Variants in FSHR observed in about 807,000 individuals in gnomAD.
The protein encoded by FSHR is follicle-stimulating hormone receptor.
FSHR carries 46 observed loss-of-function variants against 52.1 expected under a neutral mutation model. That is an observed-to-expected ratio of 0.88 (90% CI 0.70 to 1.13). The LOEUF (loss-of-function observed/expected upper bound fraction) is 1.13, where lower values mean the gene tolerates loss of function less well. Ranked by LOEUF, FSHR falls within the 50% of genes most tolerant of loss-of-function variation. The pLI is 0.00. For missense variants in FSHR, 964 were observed against 834.6 expected (o/e 1.16, Z -1.91); for synonymous variants, 399 against 309.6 (o/e 1.29, Z -3.03).
chr2:49,024,684 G>T (rs9309157), intron 2 of FSHR, among the ~76,000 whole-genome samples: 96,180 of 152,016 alleles, frequency 0.63, 30,529 homozygotes, highest in East Asian at 0.77. Context: ...TTCCCATCTT[G>T]TCCCTCCTCC....
intron 8 of FSHR, among the ~76,000 whole-genome samples, chr2:48,981,060 A>C (rs115646999): frequency 6.6e-6 from 1 of 152,196 alleles, no homozygotes; most frequent in East Asian, 1.9e-4. Context: ...AAAGACATCA[A>C]AAGTACTTGT....
intron 1 of FSHR, among the ~76,000 whole-genome samples, chr2:49,132,361 A>C (rs1268117249): frequency 1.3e-5 from 2 of 152,188 alleles, no homozygotes; most frequent in Non-Finnish European, 2.9e-5. Context: ...TGCTCAGAAG[A>C]AAATAAATCT....
chr2:49,096,055 T>A (rs764786044), intron 1 of FSHR, among the ~76,000 whole-genome samples: 31 of 152,182 alleles, frequency 2.0e-4, no homozygotes, highest in Non-Finnish European at 4.6e-4. Context: ...GCAAACACTT[T>A]GATAGTTCCT....
intron 4 of FSHR, among the ~76,000 whole-genome samples, chr2:49,010,424 G>A (rs1370626391): frequency 6.6e-6 from 1 of 152,018 alleles, no homozygotes; most frequent in Non-Finnish European, 1.5e-5. Context: ...GCTGGATTCA[G>A]TTTGCCAGTA....
chr2:49,124,675 AC>A (rs1406493619), intron 1 of FSHR, among the ~76,000 whole-genome samples: 1 of 151,684 alleles, frequency 6.6e-6, no homozygotes, highest in African/African-American at 2.4e-5. Flanking sequence ...CCAGAATCCG[AC>A]CCCTTCTCAT....
At chr2:49,075,474 G>A (rs1331195549) in intron 1 of FSHR, among the ~76,000 whole-genome samples, 1 of 151,950 alleles carries the variant, frequency 6.6e-6, no homozygotes, top group Non-Finnish European at 1.5e-5. Flanking sequence ...CTAATTCTTT[G>A]GAAGGATTAA....
chr2:49,048,931 C>T (rs527443064), intron 2 of FSHR, among the ~76,000 whole-genome samples: 1 of 152,190 alleles, frequency 6.6e-6, no homozygotes, highest in Non-Finnish European at 1.5e-5. Flanking sequence ...TTTAAAGCAT[C>T]TTATTAAGTC....
At chr2:48,983,317 A>G in intron 6 of FSHR, 151 bp from the exon 7 acceptor site, 1 of 709,278 alleles carries the variant, frequency 1.4e-6, no homozygotes, top group East Asian at 2.7e-5. Flanking sequence ...GGGTGGGAGG[A>G]AGACTGATTT....
intron 6 of FSHR, among the ~76,000 whole-genome samples, chr2:48,987,952 T>G (rs902570682): frequency 6.6e-6 from 1 of 152,180 alleles, no homozygotes; most frequent in Non-Finnish European, 1.5e-5. Flanking sequence ...TATCTATGTA[T>G]TTTGAATACA....
At chr2:48,976,667 A>G (rs987418890) in intron 8 of FSHR, among the ~76,000 whole-genome samples, 13 of 152,042 alleles carry the variant, frequency 8.6e-5, no homozygotes, top group African/African-American at 2.9e-4. Flanking sequence ...TGAACTTGTT[A>G]TTGGTCTATT....
chr2:49,045,237 A>G (rs910274443), intron 2 of FSHR, among the ~76,000 whole-genome samples: 1 of 152,140 alleles, frequency 6.6e-6, no homozygotes, highest in Admixed American at 6.5e-5. Context: ...CCTCTACCAC[A>G]CAGGTCCCAA....
chr2:49,028,508 GT>G lies in FSHR; in HGVS notation c.225-8349del, dbSNP rs566619798. ...TGGGAATAATTATCCACCTGTTAGG[GT>G]TTTTGTGAGAATATTGGAGATAAAT... On this transcript the variant is annotated intron_variant, in intron 2 of 9. Transcript: ENST00000406846. 7.9e-5 allele frequency among the ~76,000 whole-genome samples: 12 copies of G among 152,300 alleles called. No homozygotes were observed. The South Asian group carries it at 1.7e-3, about 21-fold the overall frequency.
At chr2:48,971,829 T>C (rs1488496993) in intron 8 of FSHR, among the ~76,000 whole-genome samples, 1 of 152,220 alleles carries the variant, frequency 6.6e-6, no homozygotes, top group East Asian at 1.9e-4. Context: ...TCTGTATCTC[T>C]AGTAATAATT....
chr2:48,981,603 G>T (rs182965540), intron 8 of FSHR, among the ~76,000 whole-genome samples: 1 of 152,202 alleles, frequency 6.6e-6, no homozygotes, highest in East Asian at 1.9e-4. Flanking sequence ...CTTTGAACAT[G>T]GTCAGGATGA....
intron 2 of FSHR, among the ~76,000 whole-genome samples, chr2:49,049,851 A>ATATATATATATATATAT (rs1668791622): frequency 2.1e-5 from 3 of 143,712 alleles, no homozygotes; most frequent in African/African-American, 7.7e-5. Context: ...ATATATATAT[A>ATATATATATATATATAT]ATAAAAACCA....
intron 1 of FSHR, among the ~76,000 whole-genome samples, chr2:49,086,492 G>C (rs1006235869): frequency 2.0e-5 from 3 of 152,190 alleles, no homozygotes; most frequent in African/African-American, 4.8e-5. Flanking sequence ...TACCTGAAAA[G>C]CTGCAGTCCG....
At chr2:48,967,452 G>A (rs1674528129) in intron 9 of FSHR, among the ~76,000 whole-genome samples, 2 of 152,098 alleles carry the variant, frequency 1.3e-5, no homozygotes, top group Admixed American at 1.3e-4. Context: ...TGGACTTGGT[G>A]CAAAATTGGT....
At chr2:49,074,901 T>C (rs1387656500) in intron 1 of FSHR, among the ~76,000 whole-genome samples, 1 of 152,072 alleles carries the variant, frequency 6.6e-6, no homozygotes, top group Non-Finnish European at 1.5e-5. Flanking sequence ...TGGGTGGAAT[T>C]GGAGGACATG....
At chr2:49,043,615 C>A (rs945325020) in intron 2 of FSHR, among the ~76,000 whole-genome samples, 2 of 152,156 alleles carry the variant, frequency 1.3e-5, no homozygotes, top group African/African-American at 4.8e-5. Flanking sequence ...CATTGATGGA[C>A]ACATTCCTAG....
Sources: allele counts gnomAD v4.1 joint callset (sites outside exome capture counted in the v4.1 genomes callset), GRCh38; gene constraint gnomAD v4.1.1; transcripts MANE v1.5; gene names NCBI Gene and HGNC (gene_info 2026-07-23, HGNC 2026-07-21).